Variants in CDH19 observed in about 807,000 individuals in gnomAD.
CDH19 encodes cadherin-19.
A neutral mutation model predicts 64.2 loss-of-function variants in CDH19; 67 were observed. The ratio of observed to expected loss-of-function variants is 1.04; its 90% CI spans 0.86 to 1.28. CDH19 has a LOEUF of 1.28. CDH19 is among the 50% of genes most tolerant of loss of function. CDH19 has a pLI of 0.00. For synonymous variants in CDH19, 346 were observed against 319.3 expected (o/e 1.08, Z -0.89); for missense variants, 1,030 against 929.0 (o/e 1.11, Z -1.41).
At chr18:66,534,728 T>A (rs1376814760) in intron 8 of CDH19, among the ~76,000 whole-genome samples, 1 of 151,930 alleles carries the variant, frequency 6.6e-6, no homozygotes, top group Non-Finnish European at 1.5e-5. Context: ...GTGAATTTCA[T>A]TTGTATTTTG....
At chr18:66,595,012 A>G (rs1988846728) in intron 1 of CDH19, among the ~76,000 whole-genome samples, 1 of 137,982 alleles carries the variant, frequency 7.2e-6, no homozygotes, top group African/African-American at 2.5e-5. Context: ...TAATAATAAT[A>G]AATAAAATTA....
At chr18:66,527,927 G>T (rs1986287843) in intron 9 of CDH19, among the ~76,000 whole-genome samples, 1 of 151,436 alleles carries the variant, frequency 6.6e-6, no homozygotes. Flanking sequence ...ATATGTACAT[G>T]AAATGAATGA....
intron 1 of CDH19, among the ~76,000 whole-genome samples, chr18:66,588,709 G>GTTT (rs1478339775): frequency 2.7e-5 from 4 of 149,720 alleles, no homozygotes; most frequent in African/African-American, 7.3e-5. Flanking sequence ...GTTTAGTGAA[G>GTTT]TTTTTGTTAC....
chr18:66,553,601 A>G lies in CDH19; in HGVS notation c.610+804T>C, dbSNP rs541463595. Among the ~76,000 whole-genome samples, 2 of 134,036 alleles carry G rather than the reference A, an allele frequency of 1.5e-5. 1 individual carries two copies. The highest frequency in any genetic ancestry group is 3.0e-5 in the Non-Finnish European group (2 of 65,584). 87.9% of individuals were successfully genotyped at this position (134,036 alleles called of 152,430 possible). On this transcript the variant is annotated intron_variant, in intron 4 of 11. Transcript: ENST00000262150. ...AAGCTGGAAATAGTATTTTCCTTGT[A>G]TTAAAAACCATAGAATTTTACTTCT...
chr18:66,511,789 AT>A (rs1308041755), intron 9 of CDH19, 104 bp from the exon 10 acceptor site: 1 of 686,408 alleles, frequency 1.5e-6, no homozygotes, highest in Non-Finnish European at 2.6e-6. Context: ...ATTACAATCA[AT>A]AGGGACATTG....
rs781706077 is a variant in CDH19, at chr18:66,572,208, G to A, written c.-4C>T. 18 of 1,604,688 alleles carry A rather than the reference G, an allele frequency of 1.1e-5. No homozygotes were observed. Among genetic ancestry groups the A allele is most frequent in the Admixed American group, 1.7e-5 (1 of 59,438 alleles). On this transcript the variant is annotated 5_prime_UTR_variant, in exon 2 of 12. It adds an upstream start codon to the 5' untranslated region. Coordinates refer to ENST00000262150, the MANE Select transcript of CDH19 (RefSeq NM_021153.4). The stretch of plus-strand genomic sequence containing the variant: ...GCAGCAGTAAATAACAGTTCATTGC[G>A]TTGACTCTTTTGATTCCAACTATTA...
chr18:66,532,725 A>T (rs1243723958), intron 8 of CDH19: 1 of 452,576 alleles, frequency 2.2e-6, no homozygotes, highest in Non-Finnish European at 4.4e-6. Flanking sequence ...AGATGTGGGG[A>T]AGGATAGGAG....
chr18:66,507,003 G>A (rs1985234593), intron 11 of CDH19, among the ~76,000 whole-genome samples: 1 of 151,754 alleles, frequency 6.6e-6, no homozygotes, highest in Non-Finnish European at 1.5e-5. Context: ...AACATTCAAA[G>A]GAAATCACTA....
intron 5 of CDH19, among the ~76,000 whole-genome samples, chr18:66,550,572 A>T (rs1205601812): frequency 1.3e-5 from 2 of 152,092 alleles, no homozygotes; most frequent in East Asian, 3.8e-4. Flanking sequence ...TGAGTGCTTA[A>T]AAGTGGAAGA....
At position 66,568,437 on chromosome 18, in the gene CDH19, C is replaced by A. The variant is rs372657778; in HGVS notation, c.469G>T (p.Val157Leu). ...KFLDEPYEAI[V>L]PEMSPEGTLV... ...ATACCTTCTGGAGACATCTCTGGTA[C>A]AATGGCCTCATAAGGTTCATCTAGG... The change falls in exon 3 of 12, where the codon GTA becomes TTA. Residue 157 changes from valine (V) to leucine (L), a missense_variant. Coordinates refer to ENST00000262150, the MANE Select transcript of CDH19 (RefSeq NM_021153.4). 4 of 1,611,004 alleles carry A rather than the reference C, an allele frequency of 2.5e-6. No individual in the cohort carries two copies. The highest frequency in any genetic ancestry group is 3.4e-6 in the Non-Finnish European group (4 of 1,178,186).
At chr18:66,550,427 C>T (rs1176233190) in intron 5 of CDH19, among the ~76,000 whole-genome samples, 1 of 152,028 alleles carries the variant, frequency 6.6e-6, no homozygotes, top group Non-Finnish European at 1.5e-5. Flanking sequence ...GTCCAAATTC[C>T]CCTGAACGCA....
At chr18:66,508,710 A>G (rs1234085767) in intron 11 of CDH19, among the ~76,000 whole-genome samples, 1 of 151,280 alleles carries the variant, frequency 6.6e-6, no homozygotes, top group East Asian at 2.0e-4. Context: ...TTATACTGTT[A>G]CATTGTATAT....
chr18:66,543,344 TG>T (rs1422843672), intron 7 of CDH19, among the ~76,000 whole-genome samples: 7 of 151,996 alleles, frequency 4.6e-5, no homozygotes, highest in Admixed American at 4.6e-4. Context: ...AGCCACATTT[TG>T]ATCAGCTTTG....
chr18:66,565,598 G>C (rs996985710), intron 3 of CDH19, among the ~76,000 whole-genome samples: 10 of 151,956 alleles, frequency 6.6e-5, no homozygotes, highest in Middle Eastern at 6.8e-3. Flanking sequence ...GTTATATTTA[G>C]GTAATAAAAC....
At chr18:66,520,504 GTTAAT>G (rs955314009) in intron 9 of CDH19, among the ~76,000 whole-genome samples, 4 of 151,302 alleles carry the variant, frequency 2.6e-5, no homozygotes, top group African/African-American at 9.7e-5. Flanking sequence ...CTTTTTTTGA[GTTAAT>G]TTGAGTTATT....
chr18:66,581,035 G>T (rs564273974), intron 1 of CDH19, among the ~76,000 whole-genome samples: 2 of 152,100 alleles, frequency 1.3e-5, no homozygotes, highest in East Asian at 1.9e-4. Flanking sequence ...AACCAGCAGT[G>T]GCATTTTGCC....
At position 66,597,081 on chromosome 18, in the gene CDH19, C is replaced by CA. The variant is rs35253366; in HGVS notation, c.-113+6872dup. Among the ~76,000 whole-genome samples, 236 of 26,230 alleles carry CA rather than the reference C, an allele frequency of 9.0e-3. 19 individuals are homozygous for CA. Among genetic ancestry groups the CA allele is most frequent in the Middle Eastern group, 0.036 (1 of 28 alleles). The allele number at this position is 26,230 out of a possible 152,430, so 17.2% of individuals were successfully genotyped here. On this transcript the variant is annotated intron_variant, in intron 1 of 11. Coordinates refer to ENST00000262150, the MANE Select transcript of CDH19 (RefSeq NM_021153.4). Reference sequence around the variant, plus strand: ...TGGGCGACAGAGCGAGACTCCATCTCAAAAAAAAAAAAAAAAAAAAATCAT... The same window carrying CA: ...TGGGCGACAGAGCGAGACTCCATCTCAAAAAAAAAAAAAAAAAAAAAATCAT...
At chr18:66,568,294 A>T in intron 3 of CDH19, 122 bp downstream of exon 3, 1 of 699,332 alleles carries the variant, frequency 1.4e-6, no homozygotes, top group Non-Finnish European at 2.3e-6. Context: ...TTTTACTTAA[A>T]CATATTTGTA....
chr18:66,551,546 A>G (rs1380561193), intron 4 of CDH19, among the ~76,000 whole-genome samples: 1 of 152,020 alleles, frequency 6.6e-6, no homozygotes, highest in East Asian at 1.9e-4. Context: ...ACTTTAACCT[A>G]TTTTCTGCTA....
Sources: gnomAD v4.1 joint callset for allele counts (sites outside exome capture counted in the v4.1 genomes callset) on GRCh38, gnomAD v4.1.1 for gene constraint, MANE v1.5 for transcripts, NCBI Gene and HGNC (gene_info 2026-07-23, HGNC 2026-07-21) for gene names.